SPATA6: variants seen among roughly 807,000 people sequenced by gnomAD.
The protein encoded by SPATA6 is spermatogenesis associated 6.
In SPATA6, 56 loss-of-function variants were observed where a neutral mutation model predicts 65.3. The ratio of observed to expected loss-of-function variants is 0.86; its 90% CI spans 0.69 to 1.07. SPATA6 has a LOEUF of 1.07. SPATA6 is among the 50% of genes least tolerant of loss of function. SPATA6 has a pLI of 0.00. For synonymous variants in SPATA6, 199 were observed against 213.2 expected, an observed-to-expected ratio of 0.93 and a Z score of 0.58; for missense variants, 590 against 594.8, an observed-to-expected ratio of 0.99 and a Z score of 0.08.
chr1:48,430,852 C>A (rs1349335153), intron 3 of SPATA6, among the ~76,000 whole-genome samples: 2 of 151,896 alleles, frequency 1.3e-5, no homozygotes, highest in Non-Finnish European at 2.9e-5. Context: ...GACAGTAATG[C>A]AGAAAATGAG....
At chr1:48,381,783 G>A (rs1400632602) in intron 9 of SPATA6, among the ~76,000 whole-genome samples, 2 of 147,328 alleles carry the variant, frequency 1.4e-5, no homozygotes, top group African/African-American at 2.5e-5. Flanking sequence ...AATAGTGGAG[G>A]GAAGGTCAGC....
At chr1:48,281,848 G>A in the SPATA6 span, among the ~76,000 whole-genome samples, 4 of 152,072 alleles carry the variant, frequency 2.6e-5, no homozygotes, top group South Asian at 6.2e-4. Flanking sequence ...AAGTTCATAA[G>A]GAACCAAAAA....
chr1:48,324,882 T>G (rs1276022809), intron 11 of SPATA6, among the ~76,000 whole-genome samples: 2 of 152,140 alleles, frequency 1.3e-5, no homozygotes, highest in Admixed American at 6.5e-5. Flanking sequence ...GCATCCAACT[T>G]TATTGGAAAC....
At chr1:48,393,230 C>T (rs1650247837) in intron 8 of SPATA6, 1 of 152,040 alleles carries the variant, frequency 6.6e-6, no homozygotes, top group Admixed American at 6.6e-5. Context: ...ATTAACATCC[C>T]CAGTAGTGGA....
chr1:48,354,080 AGAGGAT>A (rs1217442181), intron 11 of SPATA6, among the ~76,000 whole-genome samples: 1 of 152,188 alleles, frequency 6.6e-6, no homozygotes, highest in Non-Finnish European at 1.5e-5. Context: ...TGAACACAAC[AGAGGAT>A]ATCCCAATGG....
chr1:48,422,880 T>C (rs970866390), intron 3 of SPATA6, among the ~76,000 whole-genome samples: 10 of 152,176 alleles, frequency 6.6e-5, no homozygotes, highest in Admixed American at 2.6e-4. Flanking sequence ...TAAGTATATC[T>C]CTTTACCAAA....
At chr1:48,334,807 C>A (rs978811976) in intron 11 of SPATA6, among the ~76,000 whole-genome samples, 1 of 151,940 alleles carries the variant, frequency 6.6e-6, no homozygotes, top group Admixed American at 6.6e-5. Flanking sequence ...GAGAGAGAAG[C>A]AAAAGGCATC....
chr1:48,371,592 G>A lies in SPATA6; in HGVS notation c.910-11822C>T, dbSNP rs1029801748. 7.9e-5 allele frequency among the ~76,000 whole-genome samples: 12 copies of A among 152,232 alleles called. No homozygotes were observed. In the East Asian group the frequency reaches 2.3e-3, roughly 29 times the overall value. ...ACTATATGGTAACACAGTTTAGCAA[G>A]AGAAATTATACAAAACTGCCCAAGG... is the stretch of plus-strand genomic sequence containing the variant. On this transcript the variant is annotated intron_variant, in intron 9 of 12. Transcript: ENST00000371847.
intron 3 of SPATA6, among the ~76,000 whole-genome samples, chr1:48,428,844 T>C (rs1463164723): frequency 1.4e-5 from 2 of 139,594 alleles, no homozygotes; most frequent in African/African-American, 5.1e-5. Flanking sequence ...TATATGTGTA[T>C]ATATATGTGT....
chr1:48,382,637 C>CG (rs1648838330), intron 9 of SPATA6, among the ~76,000 whole-genome samples: 2 of 73,582 alleles, frequency 2.7e-5, no homozygotes, highest in African/African-American at 8.8e-5. Flanking sequence ...CGACCCCCCC[C>CG]CCCCCGCCTC....
chr1:48,315,263 C>T (rs145889659), intron 11 of SPATA6, among the ~76,000 whole-genome samples: 146 of 152,232 alleles, frequency 9.6e-4, no homozygotes, highest in African/African-American at 3.4e-3. Context: ...GACCAATATC[C>T]CTGATGAACA....
the SPATA6 span, among the ~76,000 whole-genome samples, chr1:48,264,463 G>C: frequency 1.3e-5 from 2 of 152,122 alleles, no homozygotes; most frequent in Non-Finnish European, 2.9e-5. Context: ...GTGGGTTGCT[G>C]CACTCATCAA....
At chr1:48,304,978 T>C (rs748074432) in intron 12 of SPATA6, among the ~76,000 whole-genome samples, 1 of 152,148 alleles carries the variant, frequency 6.6e-6, no homozygotes, top group Admixed American at 6.6e-5. Flanking sequence ...AATTTACCTA[T>C]AATAAACTGT....
At chr1:48,433,509 T>C (rs1654601050) in intron 3 of SPATA6, among the ~76,000 whole-genome samples, 1 of 152,182 alleles carries the variant, frequency 6.6e-6, no homozygotes. Context: ...CATTTTCACA[T>C]GTACTTTTAC....
At chr1:48,388,678 T>A (rs1649739621) in intron 8 of SPATA6, among the ~76,000 whole-genome samples, 1 of 151,328 alleles carries the variant, frequency 6.6e-6, no homozygotes, top group Non-Finnish European at 1.5e-5. Context: ...ATTCTGGAGA[T>A]GAATTAATTG....
the SPATA6 span, among the ~76,000 whole-genome samples, chr1:48,264,433 A>G: frequency 6.6e-6 from 1 of 152,182 alleles, no homozygotes; most frequent in Non-Finnish European, 1.5e-5. Flanking sequence ...GGTTTGTTAC[A>G]TAGGTACACA....
chr1:48,389,963 T>C (rs1649879105), intron 8 of SPATA6, among the ~76,000 whole-genome samples: 1 of 151,666 alleles, frequency 6.6e-6, no homozygotes, highest in African/African-American at 2.4e-5. Flanking sequence ...GACCAAAGAA[T>C]ATAGAAAAAC....
chr1:48,316,873 T>A (rs1228118319), intron 11 of SPATA6, among the ~76,000 whole-genome samples: 2 of 152,144 alleles, frequency 1.3e-5, no homozygotes. Context: ...GCAAAGGATA[T>A]GAACAGACAC....
intron 7 of SPATA6, 33 bp from the exon 8 acceptor site, chr1:48,395,387 G>A (rs1001772833): frequency 2.1e-6 from 3 of 1,461,922 alleles, no homozygotes; most frequent in Non-Finnish European, 2.7e-6. Context: ...GTAAAAGAGA[G>A]TTTAAACATT....
Sources: allele counts gnomAD v4.1 joint callset (sites outside exome capture counted in the v4.1 genomes callset), GRCh38; gene constraint gnomAD v4.1.1; transcripts MANE v1.5; gene names NCBI Gene and HGNC (gene_info 2026-07-23, HGNC 2026-07-21).